Variants in EYS observed in about 807,000 individuals in gnomAD.
The protein encoded by EYS is EGF-like photoreceptor maintenance factor, also known as protein eyes shut homolog.
In EYS, 250 loss-of-function variants were observed where a neutral mutation model predicts 282.1. That is an observed-to-expected ratio of 0.89 (90% CI 0.80 to 0.98). The LOEUF is 0.98. Ranked by LOEUF, EYS falls within the 50% of genes least tolerant of loss-of-function variation. The pLI is 0.00. For missense variants in EYS, 4,016 were observed against 3,709.0 expected, an observed-to-expected ratio of 1.08 and a Z score of -2.15; for synonymous variants, 1,355 against 1,282.9, an observed-to-expected ratio of 1.06 and a Z score of -1.20.
chr6:64,724,007 A>G (rs1191198592), intron 22 of EYS, among the ~76,000 whole-genome samples: 2 of 152,130 alleles, frequency 1.3e-5, no homozygotes, highest in Non-Finnish European at 2.9e-5. Flanking sequence ...ATCTGCTAAC[A>G]CATCAATCAC....
intron 35 of EYS, among the ~76,000 whole-genome samples, chr6:63,936,044 C>T (rs976214707): frequency 2.0e-5 from 3 of 152,262 alleles, no homozygotes; most frequent in African/African-American, 7.2e-5. Flanking sequence ...CACTAAATTT[C>T]CCCACTTTGG....
intron 33 of EYS, among the ~76,000 whole-genome samples, chr6:64,025,440 G>C (rs1026294948): frequency 6.6e-6 from 1 of 152,118 alleles, no homozygotes; most frequent in Non-Finnish European, 1.5e-5. Flanking sequence ...TTGCCCCTTG[G>C]GTCCTAATGC....
At position 64,912,613 on chromosome 6, in the gene EYS, G is replaced by C; in HGVS notation, c.2512C>G (p.Pro838Ala). 6.4e-7 allele frequency: 1 copy of C among 1,551,008 alleles called. No homozygotes were observed. Among genetic ancestry groups the C allele is most frequent in the Non-Finnish European group, 8.7e-7 (1 of 1,146,616 alleles). ...TIPGQFVCLC[P>A]PLYTGQFCHQ... is the part of the protein sequence containing the mutation. Reference sequence around the variant, plus strand: ...CAAAATTGTCCAGTATAAAGGGGTGGGCACAGACATACAAATTGTCCAGGG... The same window carrying C: ...CAAAATTGTCCAGTATAAAGGGGTGCGCACAGACATACAAATTGTCCAGGG... The change falls in exon 16 of 43, where the codon CCA becomes GCA. Residue 838 changes from proline to alanine, a missense_variant. By Grantham distance (27) the Pro-to-Ala change is conservative. Transcript: ENST00000503581.
At chr6:64,553,326 C>G (rs1305707375) in intron 26 of EYS, among the ~76,000 whole-genome samples, 10 of 152,084 alleles carry the variant, frequency 6.6e-5, no homozygotes, top group Non-Finnish European at 1.0e-4. Context: ...TATCTTACAT[C>G]AAATTTATTT....
chr6:63,980,191 A>G (rs1245827848), intron 35 of EYS, among the ~76,000 whole-genome samples: 4 of 151,866 alleles, frequency 2.6e-5, no homozygotes, highest in African/African-American at 9.7e-5. Flanking sequence ...ATCTCATACT[A>G]TAACACTATT....
At chr6:65,285,526 C>T (rs1361543573) in intron 12 of EYS, among the ~76,000 whole-genome samples, 3 of 151,768 alleles carry the variant, frequency 2.0e-5, no homozygotes, top group African/African-American at 7.3e-5. Context: ...TAAGAAGTGC[C>T]CTAACAGCAA....
At chr6:64,155,750 T>G (rs1774894750) in intron 31 of EYS, among the ~76,000 whole-genome samples, 1 of 152,166 alleles carries the variant, frequency 6.6e-6, no homozygotes, top group African/African-American at 2.4e-5. Flanking sequence ...TGTGTATATT[T>G]TATTCATCAC....
intron 29 of EYS, among the ~76,000 whole-genome samples, chr6:64,335,521 T>C (rs1193127088): frequency 6.6e-6 from 1 of 152,254 alleles, no homozygotes; most frequent in East Asian, 1.9e-4. Context: ...TCTCACGTAG[T>C]TCCCACCTTA....
intron 12 of EYS, among the ~76,000 whole-genome samples, chr6:65,289,342 T>C (rs1043701968): frequency 1.3e-5 from 2 of 151,040 alleles, no homozygotes; most frequent in African/African-American, 2.4e-5. Flanking sequence ...TATACATTTA[T>C]GTTTATTATA....
chr6:63,981,984 C>T (rs1484859168), intron 35 of EYS, among the ~76,000 whole-genome samples: 5 of 151,678 alleles, frequency 3.3e-5, no homozygotes, highest in Non-Finnish European at 7.4e-5. Context: ...TATATACATC[C>T]TGTTAGGAAG....
intron 1 of EYS, among the ~76,000 whole-genome samples, chr6:65,664,106 G>A (rs1479975346): frequency 2.6e-5 from 4 of 152,010 alleles, no homozygotes; most frequent in South Asian, 2.1e-4. Flanking sequence ...TCCTGACCTC[G>A]TGATCCGCCT....
intron 5 of EYS, among the ~76,000 whole-genome samples, chr6:65,478,589 T>G (rs560452503): frequency 3.3e-5 from 5 of 152,152 alleles, no homozygotes; most frequent in Non-Finnish European, 7.4e-5. Context: ...CTCATTTATA[T>G]TAGTGAATTT....
chr6:64,834,819 A>G (rs1765333293), intron 19 of EYS, among the ~76,000 whole-genome samples: 2 of 151,838 alleles, frequency 1.3e-5, no homozygotes, highest in Non-Finnish European at 1.5e-5. Flanking sequence ...TTTGATTAAC[A>G]AACACAATTC....
At chr6:63,909,344 A>G (rs1042665763) in intron 35 of EYS, among the ~76,000 whole-genome samples, 4 of 152,174 alleles carry the variant, frequency 2.6e-5, no homozygotes, top group Admixed American at 2.6e-4. Context: ...TTCACACTCT[A>G]TTACTCTCTC....
chr6:64,861,146 T>C (rs1766223243), intron 19 of EYS, among the ~76,000 whole-genome samples: 1 of 152,196 alleles, frequency 6.6e-6, no homozygotes, highest in Non-Finnish European at 1.5e-5. Context: ...GTCCAGGCTG[T>C]TCATGCCCAG....
At chr6:65,119,646 C>T (rs115605965) in intron 12 of EYS, among the ~76,000 whole-genome samples, 12,159 of 75,410 alleles carry the variant, frequency 0.16, 681 homozygotes, top group Non-Finnish European at 0.22. Flanking sequence ...TTTTTTTTTG[C>T]CTAAATCAGT....
At chr6:65,401,100 T>C (rs1423072722) in intron 7 of EYS, among the ~76,000 whole-genome samples, 5 of 152,076 alleles carry the variant, frequency 3.3e-5, no homozygotes, top group African/African-American at 1.2e-4. Context: ...GAAGTTCTAA[T>C]TTCAAAGTGT....
chr6:64,276,836 C>A (rs1169343877), intron 30 of EYS, among the ~76,000 whole-genome samples: 2 of 152,122 alleles, frequency 1.3e-5, no homozygotes, highest in Non-Finnish European at 2.9e-5. Flanking sequence ...AGTCTAGGTT[C>A]ATTTCTATTA....
intron 22 of EYS, among the ~76,000 whole-genome samples, chr6:64,736,493 C>G (rs1172418120): frequency 6.6e-6 from 1 of 152,060 alleles, no homozygotes; most frequent in African/African-American, 2.4e-5. Context: ...GACTCAGTGA[C>G]AATAAAACTA....
Sources: gnomAD v4.1 joint callset for allele counts (sites outside exome capture counted in the v4.1 genomes callset) on GRCh38, gnomAD v4.1.1 for gene constraint, MANE v1.5 for transcripts, NCBI Gene and HGNC (gene_info 2026-07-23, HGNC 2026-07-21) for gene names.